The following MARCHF8 variants were observed in gnomAD, a reference collection of about 807,000 sequenced individuals.
MARCHF8 encodes the protein membrane associated ring-CH-type finger 8, also known as E3 ubiquitin-protein ligase MARCHF8.
In MARCHF8, 40 loss-of-function variants were observed where a neutral mutation model predicts 51.6. That is an observed-to-expected ratio of 0.77 (90% CI 0.60 to 1.01). The LOEUF (loss-of-function observed/expected upper bound fraction) is 1.01, where lower values mean the gene tolerates loss of function less well. Among genes scored for constraint, MARCHF8 ranks in the 50% least tolerant of loss-of-function variants. The pLI is 0.00. For missense variants in MARCHF8, 685 were observed against 708.6 expected, an observed-to-expected ratio of 0.97 and a Z score of 0.38; for synonymous variants, 263 against 280.3, an observed-to-expected ratio of 0.94 and a Z score of 0.62.
At chr10:45,585,803 ACTT>A (rs1159498722) in intron 1 of MARCHF8, among the ~76,000 whole-genome samples, 2 of 152,162 alleles carry the variant, frequency 1.3e-5, no homozygotes, top group East Asian at 1.9e-4. Context: ...AACAAAAAAA[ACTT>A]CTTTTCTTTG....
chr10:45,586,374 C>T (rs1381559550), intron 1 of MARCHF8, among the ~76,000 whole-genome samples: 2 of 152,142 alleles, frequency 1.3e-5, no homozygotes, highest in Non-Finnish European at 2.9e-5. Context: ...TATAGTGACA[C>T]TGTGCAATTC....
chr10:45,571,197 A>G (rs777850867), intron 1 of MARCHF8, among the ~76,000 whole-genome samples: 10 of 152,244 alleles, frequency 6.6e-5, no homozygotes, highest in Non-Finnish European at 1.2e-4. Flanking sequence ...AGCCCAAGCT[A>G]AACTATCATA....
chr10:45,589,885 AT>A (rs1656063847), intron 1 of MARCHF8, among the ~76,000 whole-genome samples: 5 of 152,216 alleles, frequency 3.3e-5, no homozygotes, highest in Admixed American at 3.3e-4. Flanking sequence ...GTACATACAA[AT>A]ATTGGCATAA....
At chr10:45,493,319 C>A (rs1221759694) in intron 2 of MARCHF8, among the ~76,000 whole-genome samples, 1 of 152,162 alleles carries the variant, frequency 6.6e-6, no homozygotes, top group Non-Finnish European at 1.5e-5. Context: ...AAAACCCTGG[C>A]AAATTATTTA....
chr10:45,478,703 AAC>A (rs2042830716), intron 3 of MARCHF8, among the ~76,000 whole-genome samples: 1 of 152,166 alleles, frequency 6.6e-6, no homozygotes, highest in South Asian at 2.1e-4. Context: ...CATTACAAAT[AAC>A]ACAGAAATAC....
intron 3 of MARCHF8, among the ~76,000 whole-genome samples, chr10:45,482,523 G>A (rs2042905763): frequency 2.0e-5 from 3 of 152,318 alleles, no homozygotes; most frequent in Admixed American, 2.0e-4. Context: ...GGAGGCCAAG[G>A]CAGGTGGATC....
intron 2 of MARCHF8, among the ~76,000 whole-genome samples, chr10:45,507,731 G>C (rs1467922946): frequency 6.8e-6 from 1 of 147,588 alleles, no homozygotes; most frequent in Non-Finnish European, 1.5e-5. Context: ...AGCTGTAAAG[G>C]ACAAAAATTG....
intron 2 of MARCHF8, among the ~76,000 whole-genome samples, chr10:45,493,704 C>T (rs1469678089): frequency 6.6e-6 from 1 of 152,144 alleles, no homozygotes; most frequent in Non-Finnish European, 1.5e-5. Context: ...TGCTGCTGTC[C>T]CCAGACCACA....
intron 3 of MARCHF8, among the ~76,000 whole-genome samples, chr10:45,477,475 A>G (rs1279315607): frequency 2.0e-5 from 3 of 152,198 alleles, no homozygotes; most frequent in Non-Finnish European, 4.4e-5. Flanking sequence ...AACCCACCAA[A>G]CCACAATTAT....
chr10:45,460,984 G>A (rs562778253), intron 6 of MARCHF8: 5 of 367,954 alleles, frequency 1.4e-5, no homozygotes, highest in South Asian at 1.6e-4. Context: ...GACTGACACC[G>A]ACAAGCAAGC....
intron 1 of MARCHF8, among the ~76,000 whole-genome samples, chr10:45,542,798 C>T (rs191670253): frequency 3.3e-5 from 5 of 152,174 alleles, no homozygotes; most frequent in Admixed American, 2.0e-4. Context: ...CTCATGTGAC[C>T]TTAAACAGAT....
chr10:45,500,192 G>A (rs1428250670), intron 2 of MARCHF8, among the ~76,000 whole-genome samples: 3 of 151,924 alleles, frequency 2.0e-5, no homozygotes, highest in Non-Finnish European at 2.9e-5. Flanking sequence ...TGATGCCATT[G>A]TAAATAGGAC....
chr10:45,466,937 C>T (rs1228882936), intron 3 of MARCHF8, among the ~76,000 whole-genome samples: 3 of 152,168 alleles, frequency 2.0e-5, no homozygotes, highest in Non-Finnish European at 4.4e-5. Context: ...AGGAAGCAGC[C>T]ACACCAGGCA....
chr10:45,513,418 A>G (rs1294753343), intron 2 of MARCHF8, among the ~76,000 whole-genome samples: 1 of 152,090 alleles, frequency 6.6e-6, no homozygotes, highest in African/African-American at 2.4e-5. Context: ...TGATGAGTGA[A>G]CAAAACAAAG....
chr10:45,494,099 G>A (rs1403226745), intron 2 of MARCHF8, among the ~76,000 whole-genome samples: 1 of 152,228 alleles, frequency 6.6e-6, no homozygotes, highest in African/African-American at 2.4e-5. Context: ...CTGAGGGTGT[G>A]AGAAAACAAA....
intron 3 of MARCHF8, among the ~76,000 whole-genome samples, chr10:45,469,275 A>C (rs934435868): frequency 2.0e-5 from 3 of 152,046 alleles, no homozygotes; most frequent in African/African-American, 7.2e-5. Context: ...GACCCACAAA[A>C]CCATAATGCC....
intron 2 of MARCHF8, among the ~76,000 whole-genome samples, chr10:45,505,720 GC>G (rs1396289143): frequency 6.6e-6 from 1 of 152,198 alleles, no homozygotes; most frequent in Non-Finnish European, 1.5e-5. Flanking sequence ...TTATGGTCTG[GC>G]CATTTTATAA....
intron 3 of MARCHF8, among the ~76,000 whole-genome samples, chr10:45,472,566 A>C (rs2042712461): frequency 6.6e-6 from 1 of 152,228 alleles, no homozygotes; most frequent in African/African-American, 2.4e-5. Context: ...AACATATTCC[A>C]CCAGCTAAGG....
At chr10:45,505,579 G>A in intron 2 of MARCHF8, among the ~76,000 whole-genome samples, 1 of 152,190 alleles carries the variant, frequency 6.6e-6, no homozygotes, top group East Asian at 1.9e-4. Context: ...ACTGGTTGAA[G>A]AACAAGATAA....
Sources: allele counts gnomAD v4.1 joint callset (sites outside exome capture counted in the v4.1 genomes callset), GRCh38; gene constraint gnomAD v4.1.1; transcripts MANE v1.5; gene names NCBI Gene and HGNC (gene_info 2026-07-23, HGNC 2026-07-21).